CYP19A1: variants seen among roughly 807,000 people sequenced by gnomAD.
CYP19A1 encodes cytochrome P450 family 19 subfamily A member 1.
A neutral mutation model predicts 44.4 loss-of-function variants in CYP19A1; 32 were observed. That is an observed-to-expected ratio of 0.72 (90% CI 0.54 to 0.97). CYP19A1 has a LOEUF of 0.97. Among genes scored for constraint, CYP19A1 ranks in the 50% least tolerant of loss-of-function variants. CYP19A1 has a pLI of 0.00. For missense variants in CYP19A1, 598 were observed against 637.8 expected (o/e 0.94, Z 0.67); for synonymous variants, 212 against 215.6 (o/e 0.98, Z 0.14).
intron 1 of CYP19A1, among the ~76,000 whole-genome samples, chr15:51,306,107 A>T (rs1026778789): frequency 2.0e-5 from 3 of 152,158 alleles, no homozygotes; most frequent in African/African-American, 7.2e-5. Context: ...CCTGGCAGGG[A>T]TTAAACCCAA....
chr15:51,229,383 C>T (rs2032846832), intron 3 of CYP19A1, among the ~76,000 whole-genome samples: 1 of 137,226 alleles, frequency 7.3e-6, no homozygotes, highest in South Asian at 2.4e-4. Context: ...GAGCAAGATC[C>T]TATCTCAAAA....
chr15:51,330,936 G>A (rs1177453399), intron 1 of CYP19A1, among the ~76,000 whole-genome samples: 1 of 152,174 alleles, frequency 6.6e-6, no homozygotes, highest in Non-Finnish European at 1.5e-5. Flanking sequence ...TTTGGTGGGA[G>A]AAGAAGCTAC....
intron 4 of CYP19A1, among the ~76,000 whole-genome samples, chr15:51,223,308 C>A (rs2032274386): frequency 6.6e-6 from 1 of 151,884 alleles, no homozygotes; most frequent in Non-Finnish European, 1.5e-5. Context: ...TGGCTTTGAT[C>A]TTACTCTTGC....
At chr15:51,235,484 C>T (rs1595701751) in intron 3 of CYP19A1, among the ~76,000 whole-genome samples, 1 of 152,138 alleles carries the variant, frequency 6.6e-6, no homozygotes, top group Admixed American at 6.5e-5. Context: ...ATGATGTTTC[C>T]ACCTGAAGCC....
chr15:51,218,068 T>C (rs1164539354), intron 6 of CYP19A1, among the ~76,000 whole-genome samples: 3 of 152,224 alleles, frequency 2.0e-5, no homozygotes, highest in African/African-American at 7.2e-5. Context: ...ACACATTTTA[T>C]TGAAGTTAAT....
chr15:51,278,655 C>T (rs1290078578), intron 1 of CYP19A1, among the ~76,000 whole-genome samples: 2 of 152,176 alleles, frequency 1.3e-5, no homozygotes, highest in African/African-American at 2.4e-5. Context: ...TATGTGTGAA[C>T]GTGATTGTCA....
chr15:51,278,479 A>T (rs976745009), intron 1 of CYP19A1, among the ~76,000 whole-genome samples: 6 of 152,236 alleles, frequency 3.9e-5, no homozygotes, highest in African/African-American at 1.4e-4. Flanking sequence ...ATGCACACAC[A>T]TAGATACCTG....
At chr15:51,290,690 G>T (rs141943771) in intron 1 of CYP19A1, among the ~76,000 whole-genome samples, 1 of 152,148 alleles carries the variant, frequency 6.6e-6, no homozygotes, top group Non-Finnish European at 1.5e-5. Flanking sequence ...GAAGAGTTGC[G>T]GGGCCACTCT....
At chr15:51,244,501 G>C (rs1393353746) in intron 1 of CYP19A1, among the ~76,000 whole-genome samples, 1 of 151,994 alleles carries the variant, frequency 6.6e-6, no homozygotes, top group Non-Finnish European at 1.5e-5. Flanking sequence ...AAACTAAAAA[G>C]TCAGCCTTGT....
At chr15:51,242,055 T>C (rs1054922667) in intron 2 of CYP19A1, 4 of 153,942 alleles carry the variant, frequency 2.6e-5, no homozygotes, top group African/African-American at 7.2e-5. Flanking sequence ...ATCTGATCAT[T>C]GCGGCTTTAA....
At chr15:51,255,433 A>G (rs2034477172) in intron 1 of CYP19A1, 3 of 152,234 alleles carry the variant, frequency 2.0e-5, no homozygotes, top group Non-Finnish European at 4.4e-5. Context: ...TTGTCTCTAC[A>G]AAAACCCAGT....
At chr15:51,223,100 T>A (rs1360272762) in intron 4 of CYP19A1, among the ~76,000 whole-genome samples, 1 of 152,224 alleles carries the variant, frequency 6.6e-6, no homozygotes, top group Non-Finnish European at 1.5e-5. Flanking sequence ...AGGTTTATTT[T>A]ACTCAGCCAA....
chr15:51,236,144 C>T (rs2033378953), intron 3 of CYP19A1, among the ~76,000 whole-genome samples: 2 of 152,138 alleles, frequency 1.3e-5, no homozygotes, highest in African/African-American at 4.8e-5. Context: ...TAATATTGTT[C>T]CTGATTTATG....
intron 3 of CYP19A1, among the ~76,000 whole-genome samples, chr15:51,233,322 GCAAACTGAAA>G (rs2033166647): frequency 6.6e-6 from 1 of 152,130 alleles, no homozygotes; most frequent in Admixed American, 6.5e-5. Context: ...CTGGTCCCAG[GCAAACTGAAA>G]CAATTGGTCA....
chr15:51,225,671 CATCCTAA>C (rs2032511002), intron 4 of CYP19A1, among the ~76,000 whole-genome samples: 1 of 152,124 alleles, frequency 6.6e-6, no homozygotes, highest in African/African-American at 2.4e-5. Context: ...AGAATAATAG[CATCCTAA>C]ATTTGTCTGG....
intron 7 of CYP19A1, 65 bp from the exon 8 acceptor site, chr15:51,215,297 G>T (rs2031462056): frequency 1.9e-6 from 3 of 1,591,340 alleles, no homozygotes; most frequent in Non-Finnish European, 2.6e-6. Context: ...ATGAGGGGAG[G>T]TGACACTCAA....
intron 1 of CYP19A1, among the ~76,000 whole-genome samples, chr15:51,290,888 C>G (rs2035828149): frequency 1.3e-5 from 2 of 152,204 alleles, no homozygotes; most frequent in South Asian, 4.1e-4. Flanking sequence ...ATCCTCTTGC[C>G]TAGGATCTTT....
At chr15:51,238,143 C>A (rs910146517) in intron 2 of CYP19A1, among the ~76,000 whole-genome samples, 2 of 152,134 alleles carry the variant, frequency 1.3e-5, no homozygotes, top group Non-Finnish European at 2.9e-5. Context: ...TCTTTTTTCC[C>A]TTTAAATAAA....
chr15:51,222,594 G>T, intron 4 of CYP19A1, 69 bp from the exon 5 acceptor site: 1 of 1,335,976 alleles, frequency 7.5e-7, no homozygotes, highest in Non-Finnish European at 1.1e-6. Context: ...TGCCATTTTG[G>T]CTTTTTATGT....
Sources: gnomAD v4.1 joint callset for allele counts (sites outside exome capture counted in the v4.1 genomes callset) on GRCh38, gnomAD v4.1.1 for gene constraint, MANE v1.5 for transcripts, NCBI Gene and HGNC (gene_info 2026-07-23, HGNC 2026-07-21) for gene names.